The following SNX30 variants were observed in gnomAD, a reference collection of about 807,000 sequenced individuals.
SNX30 encodes sorting nexin family member 30.
In SNX30, 24 loss-of-function variants were observed where a neutral mutation model predicts 46.4. The ratio of observed to expected loss-of-function variants is 0.52; its 90% CI spans 0.37 to 0.73. SNX30 has a LOEUF of 0.73. Ranked by LOEUF, SNX30 falls within the 30% of genes least tolerant of loss-of-function variation. The pLI is 0.00. For missense variants in SNX30, 533 were observed against 555.7 expected, an observed-to-expected ratio of 0.96 and a Z score of 0.41; for synonymous variants, 189 against 211.5, an observed-to-expected ratio of 0.89 and a Z score of 0.92.
At chr9:112,852,576 A>G (rs1841046285) in intron 7 of SNX30, among the ~76,000 whole-genome samples, 1 of 152,306 alleles carries the variant, frequency 6.6e-6, no homozygotes, top group South Asian at 2.1e-4. Context: ...CCATACCACA[A>G]CCATGAGGTT....
intron 1 of SNX30, among the ~76,000 whole-genome samples, chr9:112,796,276 T>G (rs1840105982): frequency 6.6e-6 from 1 of 152,208 alleles, no homozygotes; most frequent in Non-Finnish European, 1.5e-5. Context: ...GTTGATAAAA[T>G]GTTAAGGGAG....
chr9:112,784,733 T>A (rs1396724868), intron 1 of SNX30, among the ~76,000 whole-genome samples: 1 of 152,186 alleles, frequency 6.6e-6, no homozygotes, highest in Non-Finnish European at 1.5e-5. Context: ...TATGACCTCA[T>A]AGCTGGTAGG....
chr9:112,853,884 A>G (rs966410136), intron 7 of SNX30, among the ~76,000 whole-genome samples: 2 of 152,230 alleles, frequency 1.3e-5, no homozygotes, highest in African/African-American at 4.8e-5. Flanking sequence ...CCTGAAATGT[A>G]TGTAATTTTA....
At chr9:112,833,421 G>A (rs900998245) in intron 4 of SNX30, among the ~76,000 whole-genome samples, 10 of 152,170 alleles carry the variant, frequency 6.6e-5, no homozygotes, top group African/African-American at 2.2e-4. Flanking sequence ...CGCTTTGGGA[G>A]GCCAAAGCAG....
chr9:112,768,648 T>TTC (rs199840472), intron 1 of SNX30, among the ~76,000 whole-genome samples: 3 of 47,328 alleles, frequency 6.3e-5, no homozygotes, highest in Admixed American at 2.7e-4. Flanking sequence ...TTCTTTCTTC[T>TTC]TTTTTTTTTT....
At chr9:112,759,628 C>T (rs1345918481) in intron 1 of SNX30, among the ~76,000 whole-genome samples, 1 of 151,952 alleles carries the variant, frequency 6.6e-6, no homozygotes, top group African/African-American at 2.4e-5. Flanking sequence ...ACTTGGGAGG[C>T]TGAGGCAGGA....
At chr9:112,867,109 T>C (rs545794218) in intron 8 of SNX30, among the ~76,000 whole-genome samples, 13 of 141,474 alleles carry the variant, frequency 9.2e-5, no homozygotes, top group Admixed American at 8.6e-4. Context: ...TCAGAACTCC[T>C]CCCACCTCCT....
chr9:112,831,139 TA>T (rs77607146), intron 4 of SNX30, among the ~76,000 whole-genome samples: 1,732 of 119,110 alleles, frequency 0.015, 10 homozygotes, highest in African/African-American at 0.026. Context: ...CCTATCTCTT[TA>T]AAAAAAAAAA....
chr9:112,821,433 T>A (rs10739372), intron 3 of SNX30, among the ~76,000 whole-genome samples: 5 of 151,874 alleles, frequency 3.3e-5, no homozygotes, highest in Non-Finnish European at 5.9e-5. Context: ...ATATGTGTGT[T>A]TGTATATATG....
intron 3 of SNX30, among the ~76,000 whole-genome samples, chr9:112,818,151 A>G (rs1482805923): frequency 1.3e-5 from 2 of 151,966 alleles, no homozygotes; most frequent in African/African-American, 4.8e-5. Context: ...CAGCGCTTCC[A>G]TCTGCACAGT....
At chr9:112,865,659 A>ATGTGTGTGTGTGTGTGTGTGTGTGTGTG (rs1473545725) in intron 8 of SNX30, among the ~76,000 whole-genome samples, 3 of 79,678 alleles carry the variant, frequency 3.8e-5, no homozygotes, top group Non-Finnish European at 7.6e-5. Context: ...ATATATATAT[A>ATGTGTGTGTGTGTGTGTGTGTGTGTGTG]TATGTATGTA....
At chr9:112,866,418 T>A in intron 8 of SNX30, 1 of 469,554 alleles carries the variant, frequency 2.1e-6, no homozygotes, top group Non-Finnish European at 4.4e-6. Flanking sequence ...CAGGAAAGAG[T>A]TTGGTACATT....
chr9:112,806,678 G>A (rs1840230261), intron 2 of SNX30, among the ~76,000 whole-genome samples: 1 of 152,128 alleles, frequency 6.6e-6, no homozygotes, highest in South Asian at 2.1e-4. Context: ...AATAAAAGAA[G>A]CGATGCTGAA....
At chr9:112,794,403 G>A (rs184804748) in intron 1 of SNX30, among the ~76,000 whole-genome samples, 2 of 152,212 alleles carry the variant, frequency 1.3e-5, no homozygotes, top group Non-Finnish European at 2.9e-5. Flanking sequence ...CACCCGCCTC[G>A]ACCTCCCAAA....
At chr9:112,814,348 C>T (rs1401344725) in intron 2 of SNX30, among the ~76,000 whole-genome samples, 2 of 152,178 alleles carry the variant, frequency 1.3e-5, no homozygotes, top group Non-Finnish European at 2.9e-5. Context: ...TCAAGCGATC[C>T]TCCCACCTCA....
chr9:112,805,805 T>TA (rs1444751455), intron 2 of SNX30, among the ~76,000 whole-genome samples: 1 of 152,336 alleles, frequency 6.6e-6, no homozygotes, highest in East Asian at 1.9e-4. Flanking sequence ...ATCCTTTAGT[T>TA]ACAATTTTTC....
At chr9:112,844,910 T>TA (rs368496245) in intron 6 of SNX30, among the ~76,000 whole-genome samples, 276 of 152,328 alleles carry the variant, frequency 1.8e-3, no homozygotes, top group African/African-American at 6.1e-3. Context: ...GTTGGTGCTT[T>TA]AGGTTGGCCA....
intron 1 of SNX30, among the ~76,000 whole-genome samples, chr9:112,789,743 G>A (rs1393276698): frequency 6.6e-6 from 1 of 152,172 alleles, no homozygotes; most frequent in African/African-American, 2.4e-5. Flanking sequence ...AGTTTGCCAA[G>A]GAATGTGGAC....
In SNX30 at chr9:112,760,206, C is replaced by T. The variant is rs188994314; in HGVS notation, c.156+9049C>T. Among the ~76,000 whole-genome samples, 17 of 152,090 alleles carry T rather than the reference C, an allele frequency of 1.1e-4. 1 individual carries two copies. The highest frequency in any genetic ancestry group is 3.9e-4 in the East Asian group (2 of 5,176). The stretch of plus-strand genomic sequence containing the variant: ...AGGACTGGAGGGTTAGGGGAAGAGG[C>T]GAAGTTAAGTAGAACCCAGGAGCTT... On this transcript the variant is annotated intron_variant, in intron 1 of 8. Coordinates refer to ENST00000374232, the MANE Select transcript of SNX30 (RefSeq NM_001012994.2).
Sources: gnomAD v4.1 joint callset for allele counts (sites outside exome capture counted in the v4.1 genomes callset) on GRCh38, gnomAD v4.1.1 for gene constraint, MANE v1.5 for transcripts, NCBI Gene and HGNC (gene_info 2026-07-23, HGNC 2026-07-21) for gene names.